USH2A: variants seen among roughly 807,000 people sequenced by gnomAD.
USH2A encodes the protein usherin, also known as Usher syndrome 2A (autosomal recessive, mild).
In USH2A, 443 loss-of-function variants were observed where a neutral mutation model predicts 538.9. That is an observed-to-expected ratio of 0.82 (90% CI 0.76 to 0.89). USH2A has a LOEUF of 0.89. USH2A is among the 40% of genes least tolerant of loss of function. The pLI, the probability that USH2A is intolerant of heterozygous loss-of-function variation, is 0.00. For synonymous variants in USH2A, 2,413 were observed against 2,273.5 expected, an observed-to-expected ratio of 1.06 and a Z score of -1.75; for missense variants, 6,633 against 6,324.8, an observed-to-expected ratio of 1.05 and a Z score of -1.65.
intron 32 of USH2A, among the ~76,000 whole-genome samples, chr1:216,024,499 A>G (rs1280051537): frequency 6.6e-6 from 1 of 152,100 alleles, no homozygotes; most frequent in Non-Finnish European, 1.5e-5. Context: ...CTCATTAATG[A>G]ATGTTCATAA....
chr1:215,984,470 G>C (rs538217244), intron 35 of USH2A, among the ~76,000 whole-genome samples: 1 of 152,280 alleles, frequency 6.6e-6, no homozygotes, highest in South Asian at 2.1e-4. Flanking sequence ...TCACCTTTCT[G>C]TTTCCATAAT....
At chr1:216,194,618 C>T (rs2034796833) in intron 19 of USH2A, among the ~76,000 whole-genome samples, 3 of 152,024 alleles carry the variant, frequency 2.0e-5, no homozygotes, top group Admixed American at 1.3e-4. Flanking sequence ...AAGGAATCTA[C>T]CATATCAGTG....
At chr1:215,734,960 C>T (rs886982598) in intron 60 of USH2A, among the ~76,000 whole-genome samples, 6 of 152,182 alleles carry the variant, frequency 3.9e-5, no homozygotes, top group South Asian at 4.1e-4. Flanking sequence ...AACCTCTGCC[C>T]GTTACCCATT....
At chr1:216,290,779 T>C (rs1045191675) in intron 10 of USH2A, among the ~76,000 whole-genome samples, 1 of 152,088 alleles carries the variant, frequency 6.6e-6, no homozygotes, top group African/African-American at 2.4e-5. Context: ...TCCTCCCTCA[T>C]CTCAATCCTC....
intron 40 of USH2A, among the ~76,000 whole-genome samples, chr1:215,899,851 T>A (rs1665443348): frequency 1.3e-5 from 2 of 152,152 alleles, no homozygotes; most frequent in Non-Finnish European, 2.9e-5. Flanking sequence ...AGTGAATTAC[T>A]TTGTCCTGTC....
At chr1:215,999,256 G>T (rs1276146474) in intron 33 of USH2A, among the ~76,000 whole-genome samples, 198 bp from the exon 34 acceptor site, 1 of 152,260 alleles carries the variant, frequency 6.6e-6, no homozygotes. Context: ...ATGTGATATG[G>T]CTCCTGCCAT....
At chr1:216,109,727 C>T (rs1433449346) in intron 21 of USH2A, among the ~76,000 whole-genome samples, 1 of 152,134 alleles carries the variant, frequency 6.6e-6, no homozygotes, top group Non-Finnish European at 1.5e-5. Context: ...TTGGATTTTA[C>T]AGGAAATATT....
At chr1:216,382,848 G>T (rs2038943736) in intron 3 of USH2A, among the ~76,000 whole-genome samples, 1 of 151,906 alleles carries the variant, frequency 6.6e-6, no homozygotes, top group Non-Finnish European at 1.5e-5. Flanking sequence ...TATGTATCTT[G>T]GACATAAAAG....
In USH2A at chr1:215,889,010, T is replaced by G; in HGVS notation, c.7639A>C (p.Arg2547=). ...VPPILLDVKS[R]MMLVTWQHPR... Reference sequence around the variant, plus strand: ...TGCTGCCAGGTGACCAACATCATTCTTGACTTCACATCCAGAAGAATCGGA... The same window carrying G: ...TGCTGCCAGGTGACCAACATCATTCGTGACTTCACATCCAGAAGAATCGGA... The change falls in exon 41 of 72, where the codon AGA becomes CGA. Residue 2547 remains arginine, a synonymous_variant. Coordinates refer to ENST00000307340, the MANE Select transcript of USH2A (RefSeq NM_206933.4). 1 of 1,614,020 alleles carries G rather than the reference T, an allele frequency of 6.2e-7. No homozygotes were observed. Among genetic ancestry groups the G allele is most frequent in the South Asian group, 1.1e-5 (1 of 91,080 alleles).
rs545620148 is a variant in USH2A at position 216,058,478 on chromosome 1, TC to T, written c.6050-9832del. Among the ~76,000 whole-genome samples the T allele has an allele frequency of 1.4e-3, 203 of 149,230 alleles. 8 individuals carry two copies. The highest frequency in any genetic ancestry group is 2.4e-3 in the Admixed American group (36 of 15,076). ...TTTTAAATAAATGAATATTTTCTGT[TC>T]TTTATAATTATCAGCATTGCAGCAG... On this transcript the variant is annotated intron_variant, in intron 30 of 71. Coordinates refer to ENST00000307340, the MANE Select transcript of USH2A (RefSeq NM_206933.4).
chr1:216,270,162 T>C (rs2036548511), intron 11 of USH2A, among the ~76,000 whole-genome samples: 1 of 152,130 alleles, frequency 6.6e-6, no homozygotes, highest in South Asian at 2.1e-4. Context: ...TGTCTTTCTA[T>C]GCACTCATCT....
chr1:216,304,452 AC>A (rs2037275354), intron 9 of USH2A, among the ~76,000 whole-genome samples: 1 of 151,866 alleles, frequency 6.6e-6, no homozygotes, highest in Non-Finnish European at 1.5e-5. Context: ...CAAATCTAGC[AC>A]TAATTTCTTT....
chr1:216,222,188 CTAGT>C (rs1189172598), intron 14 of USH2A, among the ~76,000 whole-genome samples: 2 of 152,172 alleles, frequency 1.3e-5, no homozygotes, highest in African/African-American at 4.8e-5. Flanking sequence ...GACAGTAAAT[CTAGT>C]TACAAGGTCA....
At chr1:215,867,830 C>G (rs1209601159) in intron 43 of USH2A, among the ~76,000 whole-genome samples, 2 of 152,138 alleles carry the variant, frequency 1.3e-5, no homozygotes, top group Non-Finnish European at 2.9e-5. Flanking sequence ...AACTGACATG[C>G]TGATGTGATA....
chr1:216,254,047 C>T (rs2036213624), intron 11 of USH2A, among the ~76,000 whole-genome samples: 1 of 152,030 alleles, frequency 6.6e-6, no homozygotes, highest in South Asian at 2.1e-4. Flanking sequence ...CTTGCCAAAA[C>T]CTAAGTCTTA....
rs372020125 is a variant in USH2A at position 216,146,460 on chromosome 1, G to T, written c.4627+28792C>A. Among the ~76,000 whole-genome samples the T allele has an allele frequency of 8.5e-5, 13 of 152,202 alleles. 1 individual carries two copies. Among genetic ancestry groups the T allele is most frequent in the Admixed American group, 3.3e-4 (5 of 15,266 alleles). On this transcript the variant is annotated intron_variant, in intron 21 of 71. Transcript: ENST00000307340. The stretch of plus-strand genomic sequence containing the variant: ...GATTATACACTCACGTTTCAAGGGT[G>T]TCAGACCACGCAGGGACACCTGCCT...
At chr1:216,243,851 T>G (rs1051133563) in intron 13 of USH2A, among the ~76,000 whole-genome samples, 77 of 152,190 alleles carry the variant, frequency 5.1e-4, no homozygotes, top group African/African-American at 1.8e-3. Context: ...CTCATTGACT[T>G]CATTTATAGG....
intron 55 of USH2A, among the ~76,000 whole-genome samples, chr1:215,770,872 A>G (rs958731843): frequency 7.0e-6 from 1 of 143,678 alleles, no homozygotes; most frequent in Non-Finnish European, 1.5e-5. Flanking sequence ...TGGGAGGACG[A>G]GGCGGGTGGA....
In USH2A at chr1:216,340,426, G is replaced by A. The variant is rs553995852; in HGVS notation, c.785-12772C>T. ...CTACCAGAGGTACAAAGAGGAGCTG[G>A]TACCATTCCTTTTGAAACTATTCCA... On this transcript the variant is annotated intron_variant, in intron 4 of 71. Coordinates refer to ENST00000307340, the MANE Select transcript of USH2A (RefSeq NM_206933.4). 9.9e-4 allele frequency among the ~76,000 whole-genome samples: 150 copies of A among 151,590 alleles called. 1 individual carries two copies. Among genetic ancestry groups the A allele is most frequent in the African/African-American group, 3.5e-3 (144 of 41,276 alleles).
Sources: gnomAD v4.1 joint callset for allele counts (sites outside exome capture counted in the v4.1 genomes callset) on GRCh38, gnomAD v4.1.1 for gene constraint, MANE v1.5 for transcripts, NCBI Gene and HGNC (gene_info 2026-07-23, HGNC 2026-07-21) for gene names.